The following ETV7 variants were observed in gnomAD, a reference collection of about 807,000 sequenced individuals.
The protein encoded by ETV7 is transcription factor ETV7.
In ETV7, 43 loss-of-function variants were observed where a neutral mutation model predicts 39.1. The ratio of observed to expected loss-of-function variants is 1.10; its 90% CI spans 0.86 to 1.42. The LOEUF (loss-of-function observed/expected upper bound fraction) is 1.42. Ranked by LOEUF, ETV7 falls within the 40% of genes most tolerant of loss-of-function variation. The probability of loss-of-function intolerance (pLI) is 0.00; values close to 1 mark genes in which losing one functional copy is unlikely to be tolerated. For missense variants in ETV7, 432 were observed against 442.3 expected (o/e 0.98, Z 0.21); for synonymous variants, 196 against 176.6 (o/e 1.11, Z -0.87).
At chr6:36,375,174 A>G (rs1189696224) in intron 3 of ETV7, among the ~76,000 whole-genome samples, 1 of 152,174 alleles carries the variant, frequency 6.6e-6, no homozygotes, top group Non-Finnish European at 1.5e-5. Context: ...TGCCAAATAC[A>G]CTGTGGGCTT....
In ETV7 at chr6:36,387,656, G is replaced by T. The variant is rs1345653004; in HGVS notation, c.-115C>A. 1 of 1,218,822 alleles carries T rather than the reference G, an allele frequency of 8.2e-7. No individual in the cohort carries two copies. Among genetic ancestry groups the T allele is most frequent in the Admixed American group, 2.0e-5 (1 of 49,316 alleles). The allele number at this position is 1,218,822 out of a possible 1,614,324, so 75.5% of individuals were successfully genotyped here. The stretch of plus-strand genomic sequence containing the variant: ...CCTCCTCCGCCAAACCCCTAACCTG[G>T]CTCCGAGAACTGGAAGGTCGCGTGG... On this transcript the variant is annotated 5_prime_UTR_variant, in exon 1 of 8. Transcript: ENST00000340181.
At chr6:36,370,284 C>T (rs1772948754) in intron 5 of ETV7, among the ~76,000 whole-genome samples, 1 of 152,112 alleles carries the variant, frequency 6.6e-6, no homozygotes, top group South Asian at 2.1e-4. Context: ...CCTGTAATCC[C>T]AGCACCAAAG....
At chr6:36,362,371 G>A (rs562939891), downstream of ETV7, among the ~76,000 whole-genome samples, 10 of 152,268 alleles carry the variant, frequency 6.6e-5, no homozygotes, top group Middle Eastern at 3.4e-3. Flanking sequence ...GCTGAGGCAG[G>A]AGAATCACTT....
chr6:36,386,534 C>T (rs1365326659), intron 1 of ETV7, among the ~76,000 whole-genome samples: 1 of 152,158 alleles, frequency 6.6e-6, no homozygotes, highest in Non-Finnish European at 1.5e-5. Context: ...GGGCTCATGC[C>T]CAGCCACAGG....
chr6:36,371,334 G>A lies in ETV7; in HGVS notation c.660C>T (p.Ile220=), dbSNP rs755945066. The A allele has an allele frequency of 2.2e-5, 35 of 1,583,394 alleles. No individual in the cohort carries two copies. The highest frequency in any genetic ancestry group is 1.7e-4 in the South Asian group (15 of 87,296). The change falls in exon 5 of 8, where the codon ATC becomes ATT. Residue 220 remains isoleucine, a synonymous_variant. Coordinates refer to ENST00000340181, the MANE Select transcript of ETV7 (RefSeq NM_016135.4). ...GAGGAACAGCCTCCCACTCACCAGC[G>A]ATCCTGCCGTCAATGGGGGCCTGCG... ...AMPQAPIDGR[I]ADCRLLWDYV...
chr6:36,363,331 TGA>T (rs531034034), downstream of ETV7, among the ~76,000 whole-genome samples: 151 of 152,136 alleles, frequency 9.9e-4, no homozygotes, highest in African/African-American at 3.5e-3. Context: ...ACCTTCGCGG[TGA>T]GTGTTACAGC....
chr6:36,363,121 T>G (rs1256056002), downstream of ETV7, among the ~76,000 whole-genome samples: 1 of 152,090 alleles, frequency 6.6e-6, no homozygotes, highest in East Asian at 1.9e-4. Flanking sequence ...AGCTCTGGGG[T>G]GAGGAGGTGA....
In ETV7 at chr6:36,377,418, G is replaced by A. The variant is rs7763747; in HGVS notation, c.143-1383C>T. Among the ~76,000 whole-genome samples, 106 of 152,286 alleles carry A rather than the reference G, an allele frequency of 7.0e-4. 2 individuals carry two copies. The highest frequency in any genetic ancestry group is 6.2e-3 in the South Asian group (30 of 4,824). The stretch of plus-strand genomic sequence containing the variant: ...GGAGGTCACAGTGAACCATCATTGC[G>A]CCACTGCACTCCAGCCTGGGTGACA... On this transcript the variant is annotated intron_variant, in intron 2 of 7. Coordinates refer to ENST00000340181, the MANE Select transcript of ETV7 (RefSeq NM_016135.4).
intron 5 of ETV7, among the ~76,000 whole-genome samples, chr6:36,369,617 C>G (rs557402519): frequency 1.3e-5 from 2 of 152,224 alleles, no homozygotes; most frequent in East Asian, 3.8e-4. Context: ...ATCCCAGGAC[C>G]TGGGCCTGTC....
chr6:36,365,947 G>C (rs1772696412), downstream of ETV7, among the ~76,000 whole-genome samples: 1 of 152,224 alleles, frequency 6.6e-6, no homozygotes, highest in Non-Finnish European at 1.5e-5. Flanking sequence ...TGAGGCAAGA[G>C]GATCACCTGA....
intron 1 of ETV7, 87 bp downstream of exon 1, chr6:36,387,449 T>C (rs1299539865): frequency 1.9e-6 from 3 of 1,563,728 alleles, no homozygotes; most frequent in Non-Finnish European, 2.6e-6. Flanking sequence ...TCTGATAAAA[T>C]AGGTTTGGAA....
At chr6:36,365,223 G>A (rs1168849328), downstream of ETV7, among the ~76,000 whole-genome samples, 1 of 152,196 alleles carries the variant, frequency 6.6e-6, no homozygotes, top group African/African-American at 2.4e-5. Context: ...CGGCTTGCAA[G>A]GGCAGAGGCT....
At chr6:36,369,169 C>T (rs564450922) in intron 5 of ETV7, 98 bp from the exon 6 acceptor site, 67 of 1,369,694 alleles carry the variant, frequency 4.9e-5, no homozygotes, top group Non-Finnish European at 6.4e-5. Flanking sequence ...GGCCAGAGCC[C>T]TAGGAGCACC....
intron 2 of ETV7, among the ~76,000 whole-genome samples, chr6:36,379,843 T>C (rs535996724): frequency 6.8e-6 from 1 of 147,012 alleles, no homozygotes; most frequent in African/African-American, 2.5e-5. Context: ...GCTACCGCAC[T>C]CCAGCCTGGG....
Position 36,373,465 on chromosome 6 carries a change from C to A in ETV7, c.421G>T (p.Val141Phe), listed in dbSNP as rs1242811476. Residue 141 changes from valine (V) to phenylalanine (F), a missense_variant, in exon 4 of 8, where the codon GTC becomes TTC. Physicochemically the swap from Val to Phe is conservative, Grantham distance 50. Coordinates refer to ENST00000340181, the MANE Select transcript of ETV7 (RefSeq NM_016135.4). ...RLKTPTQHSPVPPEEVTGPSQ... is the reference protein window; with the variant it reads ...RLKTPTQHSPFPPEEVTGPSQ... ...AGAGCTTCCTCACCTTCCGGGGGGA[C>A]TGGAGAGTGCTGGGTGGGCGTCTTC... The A allele has an allele frequency of 1.9e-6, 3 of 1,567,392 alleles. No individual in the cohort carries two copies.
intron 3 of ETV7, among the ~76,000 whole-genome samples, chr6:36,375,489 C>A (rs896645601): frequency 6.6e-6 from 1 of 152,178 alleles, no homozygotes; most frequent in Non-Finnish European, 1.5e-5. Flanking sequence ...TGTTACCACC[C>A]ATTTATACCT....
chr6:36,363,456 G>GCACA (rs1185355579), downstream of ETV7, among the ~76,000 whole-genome samples: 2 of 151,434 alleles, frequency 1.3e-5, no homozygotes, highest in Non-Finnish European at 2.9e-5. Context: ...TCTTAAAGCA[G>GCACA]CACATCTGGA....
At chr6:36,370,221 G>A (rs1402549875) in intron 5 of ETV7, among the ~76,000 whole-genome samples, 3 of 152,100 alleles carry the variant, frequency 2.0e-5, no homozygotes, top group Admixed American at 2.0e-4. Flanking sequence ...CACTACAGGG[G>A]AAGAGCCAGG....
Position 36,385,578 on chromosome 6 carries a change from T to C in ETV7, c.98A>G (p.Asn33Ser), listed in dbSNP as rs201107623. The change falls in exon 2 of 8, where the codon AAC becomes AGC. Residue 33 changes from asparagine to serine, a missense_variant. Asn to Ser is a conservative substitution (Grantham distance 46). Transcript: ENST00000340181. ...GCAGATCCCCCCTTCACCCAGCAGG[T>C]TAATTTGAGCTTCACATCTGGCTTG... The part of the protein sequence containing the change: ...HVQARCEAQI[N>S]LLGEGGICKL... The C allele has an allele frequency of 5.0e-6, 8 of 1,614,214 alleles. No homozygotes were observed. The East Asian group carries it at 6.7e-5, about 13-fold the overall frequency.
Sources: allele counts gnomAD v4.1 joint callset (sites outside exome capture counted in the v4.1 genomes callset), GRCh38; gene constraint gnomAD v4.1.1; transcripts MANE v1.5; gene names NCBI Gene and HGNC (gene_info 2026-07-23, HGNC 2026-07-21).